The following PAH variants were observed in gnomAD, a reference collection of about 807,000 sequenced individuals.
PAH encodes the protein phenylalanine-4-hydroxylase.
A neutral mutation model predicts 62.0 loss-of-function variants in PAH; 64 were observed. That is an observed-to-expected ratio of 1.03 (90% confidence interval 0.84 to 1.27). PAH has a LOEUF of 1.27. Among genes scored for constraint, PAH ranks in the 50% most tolerant of loss-of-function variants. The pLI is 0.00. For missense variants in PAH, 579 were observed against 542.8 expected (o/e 1.07, Z -0.66); for synonymous variants, 195 against 196.2 (o/e 0.99, Z 0.05).
chr12:102,844,329 G>A lies in PAH; in HGVS notation c.1065+7C>T, dbSNP rs62508639. 8 of 1,588,080 alleles carry A rather than the reference G, an allele frequency of 5.0e-6. No individual in the cohort carries two copies. In the South Asian group the frequency reaches 8.8e-5, roughly 18 times the overall value. On this transcript the variant is annotated splice_region_variant and intron_variant, in intron 10 of 12. Transcript: ENST00000553106. ...AAATCTATCCTTGGTTCCTGTGAAGGTCATACCTGTAATTCACCAAAGGAT... is the reference window on the plus strand; with the variant it reads ...AAATCTATCCTTGGTTCCTGTGAAGATCATACCTGTAATTCACCAAAGGAT...
Position 102,906,832 on chromosome 12 carries a change from A to T in PAH, c.168+5959T>A, listed in dbSNP as rs190084790. On this transcript the variant is annotated intron_variant, in intron 2 of 12. Transcript: ENST00000553106. Reference sequence around the variant, plus strand: ...CCACAGCCCTGCATCCATGGAGTCCATCCTCTTGGCCACTCCATTGTGCTT... The same window carrying T: ...CCACAGCCCTGCATCCATGGAGTCCTTCCTCTTGGCCACTCCATTGTGCTT... Among the ~76,000 whole-genome samples the T allele has an allele frequency of 5.9e-4, 90 of 152,328 alleles. 3 individuals carry two copies. Among genetic ancestry groups the T allele is most frequent in the Admixed American group, 5.9e-3 (90 of 15,292 alleles).
At chr12:102,935,383 T>G (rs1410501823) in intron 1 of PAH, among the ~76,000 whole-genome samples, 1 of 152,150 alleles carries the variant, frequency 6.6e-6, no homozygotes. Context: ...TATCTGGTTT[T>G]GGTATCAGGG....
At chr12:102,845,511 A>G (rs1224805935) in intron 9 of PAH, among the ~76,000 whole-genome samples, 1 of 152,166 alleles carries the variant, frequency 6.6e-6, no homozygotes, top group Non-Finnish European at 1.5e-5. Context: ...GCAAATAACC[A>G]AGTACTTTTC....
intron 2 of PAH, among the ~76,000 whole-genome samples, chr12:102,912,258 G>A (rs948910862): frequency 5.3e-5 from 8 of 152,106 alleles, no homozygotes; most frequent in Non-Finnish European, 1.2e-4. Flanking sequence ...ATTTACCAAT[G>A]TCTTGAAGAA....
chr12:102,902,972 T>C (rs148722040), intron 2 of PAH, among the ~76,000 whole-genome samples: 2 of 152,362 alleles, frequency 1.3e-5, no homozygotes, highest in South Asian at 2.1e-4. Context: ...GGTTGCAGCT[T>C]AATCTGGCTC....
intron 1 of PAH, among the ~76,000 whole-genome samples, chr12:102,929,347 GT>G (rs1164576432): frequency 1.3e-5 from 2 of 152,176 alleles, no homozygotes; most frequent in Non-Finnish European, 2.9e-5. Flanking sequence ...TCCCTAGGAA[GT>G]TTTTGCAATC....
chr12:102,859,218 A>C (rs996364607), intron 5 of PAH, among the ~76,000 whole-genome samples: 2 of 152,222 alleles, frequency 1.3e-5, no homozygotes, highest in Non-Finnish European at 2.9e-5. Flanking sequence ...AAACTAGAAA[A>C]TCTAGAAGAA....
At chr12:102,862,617 G>A (rs922880060) in intron 5 of PAH, among the ~76,000 whole-genome samples, 2 of 152,058 alleles carry the variant, frequency 1.3e-5, no homozygotes, top group African/African-American at 4.8e-5. Flanking sequence ...AACTGTGTTC[G>A]GAACAGCACA....
At chr12:102,872,854 G>C (rs866395756) in intron 4 of PAH, among the ~76,000 whole-genome samples, 8 of 152,194 alleles carry the variant, frequency 5.3e-5, no homozygotes, top group South Asian at 4.1e-4. Flanking sequence ...TGTAATCCCA[G>C]CTATGTGGGA....
At chr12:102,924,965 A>G (rs934545511) in intron 1 of PAH, among the ~76,000 whole-genome samples, 1 of 152,180 alleles carries the variant, frequency 6.6e-6, no homozygotes, top group African/African-American at 2.4e-5. Flanking sequence ...GATGTTCAGG[A>G]ATTGCTTGGC....
At chr12:102,925,713 GA>G (rs1272440188) in intron 1 of PAH, among the ~76,000 whole-genome samples, 1 of 152,030 alleles carries the variant, frequency 6.6e-6, no homozygotes, top group Non-Finnish European at 1.5e-5. Flanking sequence ...AGACAACCCA[GA>G]AATCTAAAGA....
intron 2 of PAH, among the ~76,000 whole-genome samples, chr12:102,895,410 C>T (rs1877457582): frequency 6.6e-6 from 1 of 152,032 alleles, no homozygotes; most frequent in Non-Finnish European, 1.5e-5. Flanking sequence ...GTTTCCATTC[C>T]TCAGTTTTTC....
upstream of PAH, chr12:102,958,402 A>C (rs1347933915): frequency 6.7e-7 from 1 of 1,493,180 alleles, no homozygotes; most frequent in Non-Finnish European, 9.0e-7. Context: ...GCGCAGCAGC[A>C]GCAGCAGCAG....
intron 2 of PAH, among the ~76,000 whole-genome samples, chr12:102,897,492 T>TATATACATATATAA (rs1379613102): frequency 0.014 from 1,958 of 136,766 alleles, 52 homozygotes; most frequent in African/African-American, 0.061. Context: ...TATATATATA[T>TATATACATATATAA]AATTCAAACT....
chr12:102,927,892 A>T (rs1375353676), intron 1 of PAH, among the ~76,000 whole-genome samples: 2 of 152,164 alleles, frequency 1.3e-5, no homozygotes, highest in Non-Finnish European at 2.9e-5. Context: ...TGTTTGTCAC[A>T]TTTATTCTTT....
intron 8 of PAH, among the ~76,000 whole-genome samples, chr12:102,850,429 T>A (rs377008355): frequency 6.6e-6 from 1 of 152,218 alleles, no homozygotes; most frequent in Non-Finnish European, 1.5e-5. Context: ...TATTTGACAG[T>A]GGGAATGTTT....
chr12:102,948,231 C>T (rs1035666780), intron 1 of PAH, among the ~76,000 whole-genome samples: 1 of 151,968 alleles, frequency 6.6e-6, no homozygotes, highest in South Asian at 2.1e-4. Flanking sequence ...ATCAAACTTT[C>T]CTGAGTTGGG....
intron 3 of PAH, among the ~76,000 whole-genome samples, chr12:102,892,920 T>C (rs934974415): frequency 1.3e-5 from 2 of 152,204 alleles, no homozygotes; most frequent in African/African-American, 4.8e-5. Context: ...ATACAAAGCA[T>C]GATCCCGAAT....
chr12:102,885,598 G>C (rs1489624811), intron 3 of PAH, among the ~76,000 whole-genome samples: 1 of 152,180 alleles, frequency 6.6e-6, no homozygotes, highest in African/African-American at 2.4e-5. Flanking sequence ...GGACACCCAC[G>C]TAGTGGTCCC....
Sources: gnomAD v4.1 joint callset for allele counts (sites outside exome capture counted in the v4.1 genomes callset) on GRCh38, gnomAD v4.1.1 for gene constraint, MANE v1.5 for transcripts, NCBI Gene and HGNC (gene_info 2026-07-23, HGNC 2026-07-21) for gene names.